DLG2: variants seen among roughly 807,000 people sequenced by gnomAD.
DLG2 encodes the protein disks large homolog 2.
In DLG2, 45 loss-of-function variants were observed where a neutral mutation model predicts 132.5. That is an observed-to-expected ratio of 0.34 (90% CI 0.27 to 0.44). DLG2 has a LOEUF of 0.44. DLG2 is among the 20% of genes least tolerant of loss of function. DLG2 has a pLI of 1.00. For missense variants in DLG2, 1,045 were observed against 1,196.9 expected (o/e 0.87, Z 1.87); for synonymous variants, 424 against 419.6 (o/e 1.01, Z -0.13).
intron 15 of DLG2, among the ~76,000 whole-genome samples, chr11:83,910,176 C>A (rs72945784): frequency 5.3e-5 from 8 of 152,110 alleles, no homozygotes; most frequent in African/African-American, 1.9e-4. Flanking sequence ...TGTAGGAGAA[C>A]TGCAGCTGCT....
At chr11:85,298,904 G>A (rs977728552) in intron 3 of DLG2, among the ~76,000 whole-genome samples, 1 of 152,042 alleles carries the variant, frequency 6.6e-6, no homozygotes, top group Non-Finnish European at 1.5e-5. Flanking sequence ...GTGCTGTACT[G>A]TACTTTCACA....
At chr11:84,305,653 T>G (rs977326508) in intron 7 of DLG2, among the ~76,000 whole-genome samples, 4 of 152,114 alleles carry the variant, frequency 2.6e-5, no homozygotes, top group Non-Finnish European at 2.9e-5. Flanking sequence ...CTGTTTGGAA[T>G]TCCTTCTCAT....
intron 6 of DLG2, among the ~76,000 whole-genome samples, chr11:84,884,055 A>G (rs2087811355): frequency 1.3e-5 from 2 of 152,140 alleles, no homozygotes; most frequent in African/African-American, 4.8e-5. Flanking sequence ...ACAATAACAA[A>G]TAAAGGATTC....
intron 4 of DLG2, among the ~76,000 whole-genome samples, chr11:85,239,957 A>G (rs1206734983): frequency 6.6e-6 from 1 of 151,962 alleles, no homozygotes; most frequent in East Asian, 1.9e-4. Context: ...GCAAATGTTC[A>G]ATTTTACAAG....
rs868740211 is a variant in DLG2, at chr11:83,906,288, C to G, written c.1496+24040G>C. Among the ~76,000 whole-genome samples, 337 of 145,764 alleles carry G rather than the reference C, an allele frequency of 2.3e-3. 8 individuals are homozygous for G. The highest frequency in any genetic ancestry group is 0.01 in the Middle Eastern group (3 of 290). On this transcript the variant is annotated intron_variant, in intron 15 of 27. Coordinates refer to ENST00000376104, the MANE Select transcript of DLG2 (RefSeq NM_001142699.3). ...ACACACACACACACACACACACACA[C>G]ACACACACACACACACACACACACA...
At chr11:84,600,673 C>T (rs2099574858) in intron 6 of DLG2, among the ~76,000 whole-genome samples, 1 of 152,110 alleles carries the variant, frequency 6.6e-6, no homozygotes, top group Admixed American at 6.6e-5. Context: ...AATATAACTG[C>T]AGTATTTAGT....
intron 8 of DLG2, among the ~76,000 whole-genome samples, chr11:84,175,386 A>G (rs1367837230): frequency 6.6e-6 from 1 of 152,112 alleles, no homozygotes; most frequent in Non-Finnish European, 1.5e-5. Context: ...ATAAATTGTT[A>G]TTAAAGAAAT....
At chr11:84,720,602 G>GT (rs1414948226) in intron 6 of DLG2, among the ~76,000 whole-genome samples, 1 of 152,162 alleles carries the variant, frequency 6.6e-6, no homozygotes, top group African/African-American at 2.4e-5. Flanking sequence ...AACGAGGCGT[G>GT]TGGGGGGAGG....
At chr11:85,437,109 A>C (rs552737006) in intron 3 of DLG2, among the ~76,000 whole-genome samples, 195 of 152,258 alleles carry the variant, frequency 1.3e-3, no homozygotes, top group African/African-American at 4.6e-3. Flanking sequence ...CTGAAAACAC[A>C]TGGACACAGG....
At chr11:83,873,947 T>C (rs1258983318) in intron 16 of DLG2, among the ~76,000 whole-genome samples, 1 of 152,202 alleles carries the variant, frequency 6.6e-6, no homozygotes, top group Non-Finnish European at 1.5e-5. Context: ...CAAGTGTGTG[T>C]TTGTATTTCT....
At position 83,469,392 on chromosome 11, in the gene DLG2, GATAAA is replaced by G; in HGVS notation, c.2447-24_2447-20del. ...GTAGTATCTTTATAAAACAAAAAAT[GATAAA>G]ATTAAGGTGCATTTATACCCATAAA... is the stretch of plus-strand genomic sequence containing the variant. On this transcript the variant is annotated intron_variant, in intron 24 of 27. Coordinates refer to ENST00000376104, the MANE Select transcript of DLG2 (RefSeq NM_001142699.3). 4 of 1,596,404 alleles carry G rather than the reference GATAAA, an allele frequency of 2.5e-6. No individual in the cohort carries two copies. Among genetic ancestry groups the G allele is most frequent in the Non-Finnish European group, 3.4e-6 (4 of 1,172,092 alleles).
chr11:84,818,229 TTTATTA>T (rs1566045722), intron 6 of DLG2, among the ~76,000 whole-genome samples: 2 of 151,978 alleles, frequency 1.3e-5, no homozygotes, highest in Non-Finnish European at 2.9e-5. Flanking sequence ...TCTGTCTCTA[TTTATTA>T]CTCATCCAAG....
chr11:84,400,033 G>A (rs185767799), intron 7 of DLG2, among the ~76,000 whole-genome samples: 207 of 152,294 alleles, frequency 1.4e-3, no homozygotes, highest in African/African-American at 4.8e-3. Context: ...ATACATGTTT[G>A]AAAATTCTGC....
chr11:85,430,680 C>A (rs889012549), intron 3 of DLG2, among the ~76,000 whole-genome samples: 1 of 152,058 alleles, frequency 6.6e-6, no homozygotes, highest in Admixed American at 6.6e-5. Flanking sequence ...TGACTGCAAA[C>A]AGGACAGGGT....
At chr11:84,631,214 T>A (rs1214155348) in intron 6 of DLG2, among the ~76,000 whole-genome samples, 1 of 151,940 alleles carries the variant, frequency 6.6e-6, no homozygotes, top group South Asian at 2.1e-4. Context: ...GCAGAGACTC[T>A]ATCTTTTCCA....
intron 7 of DLG2, among the ~76,000 whole-genome samples, chr11:84,303,742 C>T (rs1053786620): frequency 3.3e-5 from 5 of 151,960 alleles, no homozygotes; most frequent in African/African-American, 1.2e-4. Flanking sequence ...AAACTAAAAA[C>T]AAAACAAATA....
chr11:85,080,892 G>A (rs781576980), intron 6 of DLG2, among the ~76,000 whole-genome samples: 6 of 152,088 alleles, frequency 3.9e-5, no homozygotes, highest in Non-Finnish European at 8.8e-5. Flanking sequence ...ATAAGTCTAA[G>A]TCAGAGAGTT....
At chr11:83,613,087 G>A (rs1465937242) in intron 19 of DLG2, among the ~76,000 whole-genome samples, 2 of 152,182 alleles carry the variant, frequency 1.3e-5, no homozygotes, top group African/African-American at 2.4e-5. Flanking sequence ...CAGAGGCCTG[G>A]GATAGGCTAA....
chr11:83,926,174 C>T (rs1032953308), intron 15 of DLG2, among the ~76,000 whole-genome samples: 1 of 152,072 alleles, frequency 6.6e-6, no homozygotes, highest in Non-Finnish European at 1.5e-5. Flanking sequence ...TGAATGTTTG[C>T]TATTAATTCA....
Sources: allele counts gnomAD v4.1 joint callset (sites outside exome capture counted in the v4.1 genomes callset), GRCh38; gene constraint gnomAD v4.1.1; transcripts MANE v1.5; gene names NCBI Gene and HGNC (gene_info 2026-07-23, HGNC 2026-07-21).